Variants in R3HCC1L observed in about 807,000 individuals in gnomAD.
R3HCC1L encodes coiled-coil domain-containing protein R3HCC1L.
R3HCC1L carries 51 observed loss-of-function variants against 59.9 expected under a neutral mutation model. The observed-to-expected ratio is 0.85, with a 90% CI of 0.68 to 1.07. The LOEUF (loss-of-function observed/expected upper bound fraction) is 1.07, where lower values mean the gene tolerates loss of function less well. R3HCC1L is among the 50% of genes least tolerant of loss of function. R3HCC1L has a pLI of 0.00. For missense variants in R3HCC1L, 965 were observed against 933.0 expected, an observed-to-expected ratio of 1.03 and a Z score of -0.45; for synonymous variants, 322 against 315.2, an observed-to-expected ratio of 1.02 and a Z score of -0.23.
chr10:98,134,992 C>A (rs1001985623), intron 1 of R3HCC1L, among the ~76,000 whole-genome samples: 1 of 152,128 alleles, frequency 6.6e-6, no homozygotes, highest in African/African-American at 2.4e-5. Context: ...ATGATCCTGG[C>A]GGAAAGGACG....
intron 5 of R3HCC1L, chr10:98,211,391 C>A: frequency 6.7e-7 from 1 of 1,500,700 alleles, no homozygotes; most frequent in Non-Finnish European, 8.9e-7. Context: ...TAGGGAACTG[C>A]AAATGACTGT....
At chr10:98,214,756 G>C (rs1853973207) in intron 5 of R3HCC1L, among the ~76,000 whole-genome samples, 1 of 152,192 alleles carries the variant, frequency 6.6e-6, no homozygotes, top group Admixed American at 6.5e-5. Context: ...TGACATATAA[G>C]GACTCAGAGC....
At chr10:98,175,784 C>T (rs934956361) in intron 4 of R3HCC1L, among the ~76,000 whole-genome samples, 3 of 151,920 alleles carry the variant, frequency 2.0e-5, no homozygotes, top group South Asian at 2.1e-4. Flanking sequence ...TTGATAAAGT[C>T]GAGTTTATTG....
In R3HCC1L at chr10:98,174,659, A is replaced by G. The variant is rs117352144; in HGVS notation, c.-15+11262A>G. 186 of 985,336 alleles carry G rather than the reference A, an allele frequency of 1.9e-4. No individual in the cohort carries two copies. The Middle Eastern group carries it at 2.6e-3, about 14-fold the overall frequency. The allele number at this position is 985,336 out of a possible 1,614,324, so 61.0% of individuals were successfully genotyped here. A position where few individuals can be genotyped will look rare whatever the true frequency, so the allele number is the denominator to read the frequency against. On this transcript the variant is annotated intron_variant, in intron 4 of 9. Coordinates refer to ENST00000298999, the MANE Select transcript of R3HCC1L (RefSeq NM_001351015.2). ...GGGCATTTCAGAAGTTGGAAGGAGC[A>G]GACAATGAGGCCATCCTGCCCAGAA...
chr10:98,184,510 C>T (rs571751422), intron 4 of R3HCC1L, among the ~76,000 whole-genome samples: 1 of 152,232 alleles, frequency 6.6e-6, no homozygotes, highest in Admixed American at 6.5e-5. Flanking sequence ...AGGTGTGTAA[C>T]AGGCTATACT....
chr10:98,236,384 G>T (rs1210610997), intron 9 of R3HCC1L, among the ~76,000 whole-genome samples: 1 of 152,128 alleles, frequency 6.6e-6, no homozygotes, highest in Non-Finnish European at 1.5e-5. Context: ...CGCTCCTACT[G>T]TTGTTTTCCA....
At chr10:98,147,098 A>AT (rs1363231428) in intron 1 of R3HCC1L, among the ~76,000 whole-genome samples, 2 of 152,130 alleles carry the variant, frequency 1.3e-5, no homozygotes, top group Non-Finnish European at 2.9e-5. Flanking sequence ...TATAAAAGCC[A>AT]TTTTAACTGG....
intron 1 of R3HCC1L, among the ~76,000 whole-genome samples, chr10:98,155,684 C>CT (rs1229101553): frequency 6.6e-6 from 1 of 152,094 alleles, no homozygotes; most frequent in Non-Finnish European, 1.5e-5. Flanking sequence ...ACTCCCCACT[C>CT]TCTCTAGTCC....
intron 4 of R3HCC1L, among the ~76,000 whole-genome samples, chr10:98,191,408 A>T (rs896309629): frequency 2.6e-5 from 4 of 152,152 alleles, no homozygotes; most frequent in African/African-American, 7.2e-5. Flanking sequence ...TGACCAGTGA[A>T]GATGAGCATT....
intron 1 of R3HCC1L, among the ~76,000 whole-genome samples, chr10:98,146,682 T>G (rs1278589378): frequency 6.6e-6 from 1 of 152,214 alleles, no homozygotes; most frequent in East Asian, 1.9e-4. Flanking sequence ...TTTAAATTAT[T>G]TTTATCAGGG....
intron 4 of R3HCC1L, among the ~76,000 whole-genome samples, chr10:98,190,609 G>A (rs1361328782): frequency 6.6e-6 from 1 of 152,130 alleles, no homozygotes; most frequent in African/African-American, 2.4e-5. Context: ...AAGAATTCTA[G>A]ATTAAAAGTA....
chr10:98,144,047 T>C (rs1845425765), intron 1 of R3HCC1L, among the ~76,000 whole-genome samples: 2 of 152,080 alleles, frequency 1.3e-5, no homozygotes, highest in African/African-American at 4.8e-5. Context: ...AGTGGCTCAG[T>C]AATCCCAGCA....
At chr10:98,156,997 A>G (rs529915189) in intron 2 of R3HCC1L, among the ~76,000 whole-genome samples, 9 of 152,294 alleles carry the variant, frequency 5.9e-5, no homozygotes, top group South Asian at 4.1e-4. Context: ...TTTGGTTTCT[A>G]TTTTCACATT....
At chr10:98,142,733 G>C (rs1021198274) in intron 1 of R3HCC1L, among the ~76,000 whole-genome samples, 2 of 151,964 alleles carry the variant, frequency 1.3e-5, no homozygotes, top group Non-Finnish European at 2.9e-5. Flanking sequence ...TCAGGAATTT[G>C]AGACTAGCCT....
At chr10:98,138,546 T>TAAACA (rs1844817573) in intron 1 of R3HCC1L, among the ~76,000 whole-genome samples, 1 of 152,168 alleles carries the variant, frequency 6.6e-6, no homozygotes, top group Non-Finnish European at 1.5e-5. Context: ...AAAAATCAAT[T>TAAACA]AAACACTTTT....
intron 1 of R3HCC1L, among the ~76,000 whole-genome samples, chr10:98,142,994 TACTA>T (rs1405790110): frequency 6.6e-6 from 1 of 151,584 alleles, no homozygotes; most frequent in African/African-American, 2.4e-5. Context: ...GAAGAAGAAA[TACTA>T]ATGTGTTTGA....
intron 2 of R3HCC1L, among the ~76,000 whole-genome samples, chr10:98,158,704 A>T (rs1372850489): frequency 1.3e-5 from 2 of 152,140 alleles, no homozygotes; most frequent in East Asian, 3.8e-4. Context: ...TCATTGGCCC[A>T]TTGTACTTTA....
intron 9 of R3HCC1L, among the ~76,000 whole-genome samples, chr10:98,237,176 T>C (rs1343665764): frequency 2.6e-5 from 4 of 152,190 alleles, no homozygotes; most frequent in African/African-American, 9.7e-5. Context: ...CTTTAATGAT[T>C]ATAATGAGGC....
Position 98,209,541 on chromosome 10 carries a change from A to C in R3HCC1L, c.1427A>C (p.Lys476Thr). ...LSDCASSLPI[K>T]KIAGSNYNTF... ...GATTGTGCTTCCTCCTTACCTATAAAAAAGATTGCTGGTAGTAATTATAAC... is the reference window on the plus strand; with the variant it reads ...GATTGTGCTTCCTCCTTACCTATAACAAAGATTGCTGGTAGTAATTATAAC... Residue 476 changes from lysine to threonine, a missense_variant, in exon 5 of 10, where the codon AAA becomes ACA. Transcript: ENST00000298999. The C allele has an allele frequency of 6.2e-7, 1 of 1,613,950 alleles. No homozygotes were observed. Among genetic ancestry groups the C allele is most frequent in the Non-Finnish European group, 8.5e-7 (1 of 1,179,956 alleles).
Sources: allele counts gnomAD v4.1 joint callset (sites outside exome capture counted in the v4.1 genomes callset), GRCh38; gene constraint gnomAD v4.1.1; transcripts MANE v1.5; gene names NCBI Gene and HGNC (gene_info 2026-07-23, HGNC 2026-07-21).